Variants in TOPAZ1 observed in about 807,000 individuals in gnomAD.
The protein encoded by TOPAZ1 is protein TOPAZ1.
TOPAZ1 carries 66 observed loss-of-function variants against 172.2 expected under a neutral mutation model. That is an observed-to-expected ratio of 0.38 (90% confidence interval 0.31 to 0.47). The LOEUF is 0.47. Among genes scored for constraint, TOPAZ1 ranks in the 20% least tolerant of loss-of-function variants. TOPAZ1 has a pLI of 0.99. For synonymous variants in TOPAZ1, 681 were observed against 683.9 expected, an observed-to-expected ratio of 1.00 and a Z score of 0.07; for missense variants, 1,822 against 1,972.4, an observed-to-expected ratio of 0.92 and a Z score of 1.44.
rs1026613111 is a variant in TOPAZ1, at chr3:44,243,265, G to A, written c.759G>A (p.Met253Ile). 10 of 1,551,436 alleles carry A rather than the reference G, an allele frequency of 6.4e-6. No individual in the cohort carries two copies. In the Admixed American group the frequency reaches 1.8e-4, roughly 27 times the overall value. ...CATATAAACCTGATGGTGGATGTAT[G>A]CATGTAGCAGAAAATTTCTCAAAGA... ...NLPYKPDGGC[M>I]HVAENFSKKE... Residue 253 changes from methionine (M) to isoleucine (I), a missense_variant, in exon 2 of 20, where the codon ATG becomes ATA. Physicochemically the swap from Met to Ile is conservative, Grantham distance 10 (BLOSUM62 1). This residue lies in a region of TOPAZ1 where 1,489 missense variants were observed against 1,490.8 expected (regional missense o/e 1.00). Coordinates refer to ENST00000309765, the MANE Select transcript of TOPAZ1 (RefSeq NM_001145030.2).
intron 8 of TOPAZ1, among the ~76,000 whole-genome samples, chr3:44,278,195 G>A (rs1016496801): frequency 2.0e-5 from 3 of 152,120 alleles, no homozygotes; most frequent in Non-Finnish European, 4.4e-5. Flanking sequence ...TTATTTGTGT[G>A]TGTTGTGCCA....
intron 4 of TOPAZ1, 123 bp downstream of exon 4, chr3:44,256,401 T>G: frequency 1.1e-6 from 1 of 884,200 alleles, no homozygotes; most frequent in Non-Finnish European, 1.7e-6. Flanking sequence ...AAGAATCACG[T>G]CACTCTAGCC....
chr3:44,276,758 C>T (rs1042381933), intron 8 of TOPAZ1, among the ~76,000 whole-genome samples: 1 of 146,224 alleles, frequency 6.8e-6, no homozygotes, highest in Non-Finnish European at 1.5e-5. Flanking sequence ...ATAGAGATTA[C>T]ATTGAATCTG....
intron 12 of TOPAZ1, among the ~76,000 whole-genome samples, chr3:44,294,640 T>C (rs1013495860): frequency 3.9e-5 from 6 of 152,140 alleles, no homozygotes; most frequent in Admixed American, 3.9e-4. Context: ...CCTCTGGGAC[T>C]ACAGGCACGT....
chr3:44,296,513 A>G (rs1432000659), intron 12 of TOPAZ1, among the ~76,000 whole-genome samples: 1 of 152,100 alleles, frequency 6.6e-6, no homozygotes, highest in African/African-American at 2.4e-5. Context: ...TAAAGCGATC[A>G]TAAGGGATTG....
rs181630068 is a variant in TOPAZ1 at position 44,304,133 on chromosome 3, G to A, written c.3864+52G>A. On this transcript the variant is annotated intron_variant, in intron 13 of 19. Transcript: ENST00000309765. Reference sequence around the variant, plus strand: ...TTGCTGGGATCTCTGAAAATCAATAGCAACAAAAAAGGTTTGAATAATAAC... The same window carrying A: ...TTGCTGGGATCTCTGAAAATCAATAACAACAAAAAAGGTTTGAATAATAAC... The A allele has an allele frequency of 2.3e-5, 26 of 1,119,896 alleles. No individual in the cohort carries two copies. The East Asian group carries it at 2.5e-4, about 11-fold the overall frequency. 69.4% of individuals were successfully genotyped at this position (1,119,896 alleles called of 1,614,324 possible). A position where few individuals can be genotyped will look rare whatever the true frequency, so the allele number is the denominator to read the frequency against.
At chr3:44,301,448 C>A (rs866356942) in intron 12 of TOPAZ1, among the ~76,000 whole-genome samples, 1 of 152,022 alleles carries the variant, frequency 6.6e-6, no homozygotes, top group Non-Finnish European at 1.5e-5. Context: ...TTAGGTATTG[C>A]CAAATTTTCC....
chr3:44,318,226 T>A (rs1325461850), intron 16 of TOPAZ1, among the ~76,000 whole-genome samples: 1 of 152,044 alleles, frequency 6.6e-6, no homozygotes, highest in East Asian at 1.9e-4. Context: ...AGTGGGTGGA[T>A]TGATCACCTG....
chr3:44,298,564 G>T (rs1415401628), intron 12 of TOPAZ1, among the ~76,000 whole-genome samples: 3 of 151,932 alleles, frequency 2.0e-5, no homozygotes, highest in African/African-American at 7.3e-5. Flanking sequence ...TGGATGGAGG[G>T]AGAGAGACAT....
chr3:44,258,834 G>T (rs912192685), intron 4 of TOPAZ1, among the ~76,000 whole-genome samples: 10 of 152,128 alleles, frequency 6.6e-5, no homozygotes, highest in African/African-American at 2.4e-4. Context: ...GGATAAATGG[G>T]CTGTTAACTG....
rs1429721267 is a variant in TOPAZ1, at chr3:44,269,203, A to G, written c.3161-13A>G. 6.7e-7 allele frequency: 1 copy of G among 1,485,210 alleles called. No individual in the cohort carries two copies. Among genetic ancestry groups the G allele is most frequent in the South Asian group, 1.2e-5 (1 of 82,652 alleles). The allele number at this position is 1,485,210 out of a possible 1,614,324, so 92.0% of individuals were successfully genotyped here. A position where few individuals can be genotyped will look rare whatever the true frequency, so the allele number is the denominator to read the frequency against. On this transcript the variant is annotated splice_polypyrimidine_tract_variant and intron_variant, in intron 6 of 19. Coordinates refer to ENST00000309765, the MANE Select transcript of TOPAZ1 (RefSeq NM_001145030.2). ...ACATATTGGTGTGTAATGCCACTCT[A>G]AATCATTTCTAGATTTCAGATTTCT...
intron 2 of TOPAZ1, among the ~76,000 whole-genome samples, chr3:44,250,255 A>C (rs888247981): frequency 6.6e-6 from 1 of 151,442 alleles, no homozygotes; most frequent in Non-Finnish European, 1.5e-5. Flanking sequence ...AAAAAAAAAA[A>C]AAAAAACAGG....
At chr3:44,259,564 C>T (rs1327619963) in intron 4 of TOPAZ1, among the ~76,000 whole-genome samples, 8 of 152,014 alleles carry the variant, frequency 5.3e-5, no homozygotes, top group African/African-American at 1.9e-4. Flanking sequence ...CATTTTTTTG[C>T]TATTTAAATA....
chr3:44,286,343 C>G (rs574061662), intron 9 of TOPAZ1, among the ~76,000 whole-genome samples: 115 of 152,254 alleles, frequency 7.6e-4, no homozygotes, highest in African/African-American at 2.6e-3. Flanking sequence ...TATTAATAAG[C>G]TATAATAACA....
At chr3:44,321,474 T>C (rs1309771630) in intron 17 of TOPAZ1, among the ~76,000 whole-genome samples, 1 of 152,194 alleles carries the variant, frequency 6.6e-6, no homozygotes, top group African/African-American at 2.4e-5. Context: ...GCAAACAATA[T>C]GTTTAAATGC....
At chr3:44,325,874 C>T (rs1465376385) in intron 18 of TOPAZ1, among the ~76,000 whole-genome samples, 1 of 152,150 alleles carries the variant, frequency 6.6e-6, no homozygotes, top group Non-Finnish European at 1.5e-5. Flanking sequence ...AACTCCCAGC[C>T]TCAGGTCATC....
At chr3:44,291,376 G>A (rs1700135798) in intron 12 of TOPAZ1, among the ~76,000 whole-genome samples, 1 of 150,664 alleles carries the variant, frequency 6.6e-6, no homozygotes. Context: ...GCCGAGGCAG[G>A]CGGATCACAA....
intron 18 of TOPAZ1, among the ~76,000 whole-genome samples, chr3:44,324,983 T>C (rs983624493): frequency 1.3e-5 from 2 of 152,216 alleles, no homozygotes; most frequent in African/African-American, 2.4e-5. Context: ...CTGAGACTTA[T>C]GCAAGTGAGG....
chr3:44,308,636 A>G (rs2125700882), intron 15 of TOPAZ1, among the ~76,000 whole-genome samples: 1 of 152,280 alleles, frequency 6.6e-6, no homozygotes, highest in Admixed American at 6.5e-5. Context: ...AATAAAAGAG[A>G]AACTCAGACT....
Sources: allele counts gnomAD v4.1 joint callset (sites outside exome capture counted in the v4.1 genomes callset), GRCh38; gene constraint gnomAD v4.1.1; regional missense constraint gnomAD v4.1.1; transcripts MANE v1.5; gene names NCBI Gene and HGNC (gene_info 2026-07-23, HGNC 2026-07-21).